The following OR2J3 variants were observed in gnomAD, a reference collection of about 807,000 sequenced individuals.
The protein encoded by OR2J3 is olfactory receptor 2J3.
A neutral mutation model predicts 18.5 loss-of-function variants in OR2J3; 13 were observed. The observed-to-expected ratio is 0.70, with a 90% CI of 0.46 to 1.12. The LOEUF (loss-of-function observed/expected upper bound fraction) is 1.12. Ranked by LOEUF, OR2J3 falls within the 50% of genes most tolerant of loss-of-function variation. OR2J3 has a pLI of 0.00. For missense variants in OR2J3, 321 were observed against 371.6 expected (o/e 0.86, Z 1.12); for synonymous variants, 142 against 140.6 (o/e 1.01, Z -0.07).
At position 29,114,448 on chromosome 6, in the gene OR2J3, C is replaced by G. The variant is rs924202501; in HGVS notation, c.*1622C>G. 2 of 58,822 alleles carry G rather than the reference C, an allele frequency of 3.4e-5. No homozygotes were observed. Among genetic ancestry groups the G allele is most frequent in the African/African-American group, 8.8e-5 (2 of 22,654 alleles). 3.6% of individuals were successfully genotyped at this position (58,822 alleles called of 1,614,324 possible). A position where few individuals can be genotyped will look rare whatever the true frequency, so the allele number is the denominator to read the frequency against. On this transcript the variant is annotated 3_prime_UTR_variant, in exon 4 of 4. Transcript: ENST00000641151. The stretch of plus-strand genomic sequence containing the variant: ...GTTTCTCACCTACTCAAATATCCCC[C>G]CCCTCCCCATCTTTATTAAGGATAA...
intron 1 of OR2J3, 74 bp from the exon 2 acceptor site, chr6:29,108,463 T>A (rs928841668): frequency 6.6e-6 from 1 of 152,212 alleles, no homozygotes; most frequent in African/African-American, 2.4e-5. Context: ...TTTTTGTGGG[T>A]ACACAATAGG....
In OR2J3 at chr6:29,111,979, T is replaced by C. The variant is rs545692303; in HGVS notation, c.89T>C (p.Ile30Thr). 1 of 1,614,112 alleles carries C rather than the reference T, an allele frequency of 6.2e-7. No homozygotes were observed. The highest frequency in any genetic ancestry group is 8.5e-7 in the Non-Finnish European group (1 of 1,180,008). ...FSNWPHLEVVIFVVVLIFYLM... is the reference protein window; with the variant it reads ...FSNWPHLEVVTFVVVLIFYLM... The stretch of plus-strand genomic sequence containing the variant: ...AATTGGCCTCATCTGGAAGTAGTTA[T>C]CTTTGTGGTTGTCTTGATCTTCTAC... The change falls in exon 4 of 4, where the codon ATC becomes ACC. Residue 30 changes from isoleucine (I) to threonine (T), a missense_variant. Transcript: ENST00000641151.
chr6:29,108,617 G>A lies in OR2J3; in HGVS notation c.-100G>A, dbSNP rs1013626958. On this transcript the variant is annotated 5_prime_UTR_variant, in exon 2 of 4. Transcript: ENST00000641151. ...TCCACCCACCTTGGCCTCCCAAAGT[G>A]TCAGGATTACAGGTGTGAGCCACGG... is the stretch of plus-strand genomic sequence containing the variant. The A allele has an allele frequency of 2.0e-5, 3 of 152,170 alleles. No individual in the cohort carries two copies. Among genetic ancestry groups the A allele is most frequent in the African/African-American group, 7.2e-5 (3 of 41,418 alleles). 9.4% of individuals were successfully genotyped at this position (152,170 alleles called of 1,614,324 possible).
chr6:29,112,035 A>T lies in OR2J3; in HGVS notation c.145A>T (p.Ile49Phe), dbSNP rs753902382. Residue 49 changes from isoleucine (I) to phenylalanine (F), a missense_variant, in exon 4 of 4, where the codon ATC (isoleucine) becomes TTC (phenylalanine). Coordinates refer to ENST00000641151, the MANE Select transcript of OR2J3 (RefSeq NM_001005216.4). ...GACACTGATAGGAAACCTGTTCATC[A>T]TCATCCTGTCATACCTGGACTCCCA... ...LMTLIGNLFI[I>F]ILSYLDSHLH... is the part of the protein sequence containing the mutation. 2 of 1,614,084 alleles carry T rather than the reference A, an allele frequency of 1.2e-6. No individual in the cohort carries two copies. Among genetic ancestry groups the T allele is most frequent in the Non-Finnish European group, 1.7e-6 (2 of 1,180,032 alleles).
chr6:29,109,058 G>C (rs75320886), intron 3 of OR2J3, among the ~76,000 whole-genome samples, 183 bp downstream of exon 3: 1 of 152,014 alleles, frequency 6.6e-6, no homozygotes, highest in African/African-American at 2.4e-5. Flanking sequence ...CATGAGAGAA[G>C]GTAACTATAA....
At position 29,112,897 on chromosome 6, in the gene OR2J3, A is replaced by T. The variant is rs1475631136; in HGVS notation, c.*71A>T. The stretch of plus-strand genomic sequence containing the variant: ...CAATGATTCATCCTTCTATTTATTT[A>T]TCAACCATTCTTTTATTCACTCACT... On this transcript the variant is annotated 3_prime_UTR_variant, in exon 4 of 4. Transcript: ENST00000641151. 6.7e-7 allele frequency: 1 copy of T among 1,494,974 alleles called. No homozygotes were observed. The highest frequency in any genetic ancestry group is 1.4e-5 in the African/African-American group (1 of 71,620). 92.6% of individuals were successfully genotyped at this position (1,494,974 alleles called of 1,614,324 possible). A position where few individuals can be genotyped will look rare whatever the true frequency, so the allele number is the denominator to read the frequency against.
At position 29,112,314 on chromosome 6, in the gene OR2J3, C is replaced by T. The variant is rs762835534; in HGVS notation, c.424C>T (p.Arg142Cys). The stretch of plus-strand genomic sequence containing the variant: ...GCATTACACTGTCCTCATGCACCCT[C>T]GTTTCTGCCACCTGCTGGCTGTGGC... ...PLHYTVLMHP[R>C]FCHLLAVASW... Residue 142 changes from arginine to cysteine, a missense_variant, in exon 4 of 4, where the codon CGT (arginine) becomes TGT (cysteine). Coordinates refer to ENST00000641151, the MANE Select transcript of OR2J3 (RefSeq NM_001005216.4). The T allele has an allele frequency of 1.2e-6, 2 of 1,614,172 alleles. No homozygotes were observed. The highest frequency in any genetic ancestry group is 1.7e-6 in the Non-Finnish European group (2 of 1,180,040).
At chr6:29,109,986 G>A (rs1430699265) in intron 3 of OR2J3, among the ~76,000 whole-genome samples, 2 of 152,018 alleles carry the variant, frequency 1.3e-5, no homozygotes, top group Non-Finnish European at 2.9e-5. Flanking sequence ...CCTTCTTCAG[G>A]CCCTGTGGTT....
chr6:29,112,594 C>T lies in OR2J3; in HGVS notation c.704C>T (p.Thr235Ile), dbSNP rs1762187010. ...GCTATACTGAGGATGCAGTCAACCA[C>T]TGGGCTTCAGAAAGTGTTTGGAACA... ...VRAILRMQST[T>I]GLQKVFGTCG... is the part of the protein sequence containing the mutation. Residue 235 changes from threonine (T) to isoleucine (I), a missense_variant, in exon 4 of 4, where the codon ACT becomes ATT. Physicochemically the swap from Thr to Ile is moderately conservative, Grantham distance 89. Coordinates refer to ENST00000641151, the MANE Select transcript of OR2J3 (RefSeq NM_001005216.4). 2 of 1,613,976 alleles carry T rather than the reference C, an allele frequency of 1.2e-6. No homozygotes were observed. Among genetic ancestry groups the T allele is most frequent in the Admixed American group, 3.3e-5 (2 of 59,988 alleles).
rs1562549875 is a variant in OR2J3, at chr6:29,112,792, G to T, written c.902G>T (p.Arg301Ile). 1 of 1,613,792 alleles carries T rather than the reference G, an allele frequency of 6.2e-7. No homozygotes were observed. Among genetic ancestry groups the T allele is most frequent in the Non-Finnish European group, 8.5e-7 (1 of 1,179,810 alleles). The change falls in exon 4 of 4, where the codon AGA becomes ATA. Residue 301 changes from arginine (R) to isoleucine (I), a missense_variant. Physicochemically the swap from Arg to Ile is moderately conservative, Grantham distance 97. Coordinates refer to ENST00000641151, the MANE Select transcript of OR2J3 (RefSeq NM_001005216.4). ...LIYTLRNKVV[R>I]GAVKRLMGWE is the part of the protein sequence containing the mutation. ...TACACCCTCAGAAACAAAGTTGTAA[G>T]AGGGGCAGTGAAGAGACTAATGGGG... is the stretch of plus-strand genomic sequence containing the variant.
Position 29,112,575 on chromosome 6 carries a change from C to G in OR2J3, c.685C>G (p.Leu229Val). The change falls in exon 4 of 4, where the codon CTG becomes GTG. Residue 229 changes from leucine (L) to valine (V), a missense_variant. Transcript: ENST00000641151. ...TSYGAIVRAI[L>V]RMQSTTGLQK... ...TTATGGTGCCATCGTCCGAGCTATA[C>G]TGAGGATGCAGTCAACCACTGGGCT... is the stretch of plus-strand genomic sequence containing the variant. 6.2e-7 allele frequency: 1 copy of G among 1,614,056 alleles called. No individual in the cohort carries two copies. Among genetic ancestry groups the G allele is most frequent in the Non-Finnish European group, 8.5e-7 (1 of 1,179,978 alleles).
rs117788472 is a variant in OR2J3, at chr6:29,111,375, C to T, written c.-10-506C>T. Among the ~76,000 whole-genome samples the T allele has an allele frequency of 4.8e-3, 725 of 152,256 alleles. 6 individuals carry two copies. Among genetic ancestry groups the T allele is most frequent in the East Asian group, 0.027 (139 of 5,178 alleles). Reference sequence around the variant, plus strand: ...TGTCCTGTTCAGAGCATCATCACAGCAGGCTCATGATGTTGGTTTGTGCAA... The same window carrying T: ...TGTCCTGTTCAGAGCATCATCACAGTAGGCTCATGATGTTGGTTTGTGCAA... On this transcript the variant is annotated intron_variant, in intron 3 of 3. Coordinates refer to ENST00000641151, the MANE Select transcript of OR2J3 (RefSeq NM_001005216.4).
chr6:29,113,837 G>C lies in OR2J3; in HGVS notation c.*1011G>C, dbSNP rs545831030. ...AAATAAAGAAATCTATTTTATAGAA[G>C]TAATCATTTTGTTTTATATATTATT... On this transcript the variant is annotated 3_prime_UTR_variant, in exon 4 of 4. Coordinates refer to ENST00000641151, the MANE Select transcript of OR2J3 (RefSeq NM_001005216.4). The C allele has an allele frequency of 3.9e-5, 6 of 152,182 alleles. No individual in the cohort carries two copies. The highest frequency in any genetic ancestry group is 1.4e-4 in the African/African-American group (6 of 41,522). The allele number at this position is 152,182 out of a possible 1,614,324, so 9.4% of individuals were successfully genotyped here. A position where few individuals can be genotyped will look rare whatever the true frequency, so the allele number is the denominator to read the frequency against.
At position 29,108,203 on chromosome 6, in the gene OR2J3, G is replaced by A. The variant is rs1761997114; in HGVS notation, c.-273G>A. The A allele has an allele frequency of 6.6e-6, 1 of 152,124 alleles. No individual in the cohort carries two copies. Among genetic ancestry groups the A allele is most frequent in the African/African-American group, 2.4e-5 (1 of 41,408 alleles). 9.4% of individuals were successfully genotyped at this position (152,124 alleles called of 1,614,324 possible). On this transcript the variant is annotated 5_prime_UTR_variant, in exon 1 of 4. Transcript: ENST00000641151. ...GATCAGATCAGTCTGTGCATGATGA[G>A]GGCATCAGCTAGGAAGACAATATAC...
intron 3 of OR2J3, among the ~76,000 whole-genome samples, chr6:29,109,185 T>C (rs187459905): frequency 1.3e-5 from 2 of 152,350 alleles, no homozygotes; most frequent in Non-Finnish European, 2.9e-5. Flanking sequence ...CAAGTAATCT[T>C]CATGATTTAC....
chr6:29,109,707 T>A (rs1762056953), intron 3 of OR2J3: 1 of 152,130 alleles, frequency 6.6e-6, no homozygotes. Flanking sequence ...ATAAGTATCA[T>A]TTTTTTCTAT....
chr6:29,113,265 T>G lies in OR2J3; in HGVS notation c.*439T>G, dbSNP rs6908651. The stretch of plus-strand genomic sequence containing the variant: ...AATACTTTTGTCTTCTATCTTTAGT[T>G]TAGTTAAATACACAGCAAAATACTT... On this transcript the variant is annotated 3_prime_UTR_variant, in exon 4 of 4. Coordinates refer to ENST00000641151, the MANE Select transcript of OR2J3 (RefSeq NM_001005216.4). 0.33 allele frequency: 54,165 copies of G among 162,460 alleles called. 10,688 individuals are homozygous for G. Among genetic ancestry groups the G allele is most frequent in the African/African-American group, 0.55 (23,093 of 41,708 alleles). 10.1% of individuals were successfully genotyped at this position (162,460 alleles called of 1,614,324 possible).
At chr6:29,109,284 T>C (rs753680924) in intron 3 of OR2J3, among the ~76,000 whole-genome samples, 1 of 152,198 alleles carries the variant, frequency 6.6e-6, no homozygotes, top group Non-Finnish European at 1.5e-5. Flanking sequence ...TGGATGGTTG[T>C]TTAAGTTGTT....
Position 29,112,683 on chromosome 6 carries a change from C to G in OR2J3, c.793C>G (p.Pro265Ala), listed in dbSNP as rs776271387. The G allele has an allele frequency of 2.5e-6, 4 of 1,614,054 alleles. No homozygotes were observed. In the South Asian group the frequency reaches 4.4e-5, roughly 18 times the overall value. Residue 265 changes from proline to alanine, a missense_variant, in exon 4 of 4, where the codon CCA (proline) becomes GCA (alanine). Physicochemically the swap from Pro to Ala is conservative, Grantham distance 27. Coordinates refer to ENST00000641151, the MANE Select transcript of OR2J3 (RefSeq NM_001005216.4). ...FIPAMCMYLQ[P>A]PSGNSQDQGK... ...TCCGGCCATGTGCATGTATCTCCAGCCACCATCAGGAAATTCTCAAGATCA... is the reference window on the plus strand; with the variant it reads ...TCCGGCCATGTGCATGTATCTCCAGGCACCATCAGGAAATTCTCAAGATCA...
Sources: gnomAD v4.1 joint callset for allele counts (sites outside exome capture counted in the v4.1 genomes callset) on GRCh38, gnomAD v4.1.1 for gene constraint, MANE v1.5 for transcripts, NCBI Gene and HGNC (gene_info 2026-07-23, HGNC 2026-07-21) for gene names.